DENND1A: variants seen among roughly 807,000 people sequenced by gnomAD.
The protein encoded by DENND1A is DENN domain-containing protein 1A.
In DENND1A, 51 loss-of-function variants were observed where a neutral mutation model predicts 113.7. The ratio of observed to expected loss-of-function variants is 0.45; its 90% CI spans 0.36 to 0.57. The LOEUF (loss-of-function observed/expected upper bound fraction) is 0.57, where lower values mean the gene tolerates loss of function less well. Ranked by LOEUF, DENND1A falls within the 20% of genes least tolerant of loss-of-function variation. The pLI, the probability that DENND1A is intolerant of heterozygous loss-of-function variation, is 0.00. For missense variants in DENND1A, 1,258 were observed against 1,395.9 expected, an observed-to-expected ratio of 0.90 and a Z score of 1.57; for synonymous variants, 565 against 570.8, an observed-to-expected ratio of 0.99 and a Z score of 0.14.
chr9:123,737,042 T>G (rs887589243), intron 5 of DENND1A, among the ~76,000 whole-genome samples: 2 of 152,242 alleles, frequency 1.3e-5, no homozygotes, highest in Non-Finnish European at 2.9e-5. Context: ...AAAATTCCAT[T>G]GAAGTCAATG....
chr9:123,830,964 G>A (rs1840129273), intron 2 of DENND1A, among the ~76,000 whole-genome samples: 1 of 145,598 alleles, frequency 6.9e-6, no homozygotes, highest in South Asian at 2.2e-4. Context: ...CTGGTCTTAA[G>A]CCCACGTAAT....
intron 10 of DENND1A, among the ~76,000 whole-genome samples, chr9:123,619,011 G>A (rs775429797): frequency 1.3e-5 from 2 of 152,080 alleles, no homozygotes; most frequent in African/African-American, 2.4e-5. Context: ...GCAGTGACGC[G>A]ATCTCAGCTC....
intron 21 of DENND1A, among the ~76,000 whole-genome samples, chr9:123,398,277 T>C (rs2043236756): frequency 6.6e-6 from 1 of 152,234 alleles, no homozygotes. Context: ...TGTCACTCCC[T>C]GCCTTGGCCT....
At chr9:123,444,403 T>C (rs547443848) in intron 18 of DENND1A, among the ~76,000 whole-genome samples, 2 of 152,256 alleles carry the variant, frequency 1.3e-5, no homozygotes, top group East Asian at 1.9e-4. Flanking sequence ...GCAGTAATCC[T>C]AGCACTTTGG....
chr9:123,822,191 G>T (rs752136420), intron 2 of DENND1A, among the ~76,000 whole-genome samples: 1 of 152,034 alleles, frequency 6.6e-6, no homozygotes. Context: ...TAATACTAAA[G>T]CCTATAAAGT....
chr9:123,757,660 T>C (rs1191457411), intron 5 of DENND1A, 43 bp downstream of exon 5: 11 of 1,598,908 alleles, frequency 6.9e-6, no homozygotes, highest in East Asian at 2.2e-5. Flanking sequence ...GAAGCTGACA[T>C]TGCTTCAGAG....
chr9:123,628,577 A>G (rs1375203709), intron 10 of DENND1A, among the ~76,000 whole-genome samples: 1 of 152,156 alleles, frequency 6.6e-6, no homozygotes, highest in Non-Finnish European at 1.5e-5. Context: ...GCAAACATTT[A>G]ATGTCACATG....
intron 6 of DENND1A, among the ~76,000 whole-genome samples, chr9:123,676,329 C>T (rs1023653908): frequency 5.9e-5 from 9 of 152,178 alleles, no homozygotes; most frequent in African/African-American, 2.2e-4. Flanking sequence ...TACTTGCAAA[C>T]CCCAGATCTG....
Position 123,898,783 on chromosome 9 carries a change from C to T in DENND1A, c.18-19762G>A, listed in dbSNP as rs548124914. 4.6e-5 allele frequency among the ~76,000 whole-genome samples: 7 copies of T among 152,298 alleles called. No individual in the cohort carries two copies. In the East Asian group the frequency reaches 1.3e-3, roughly 29 times the overall value. ...GTTCAGTTTACTCTTTTACAGTGTG[C>T]TCTTTGTGTCCTACTTAAGAAGGTA... On this transcript the variant is annotated intron_variant, in intron 1 of 23. Coordinates refer to ENST00000394215, the MANE Select transcript of DENND1A (RefSeq NM_001352964.2).
intron 5 of DENND1A, among the ~76,000 whole-genome samples, chr9:123,699,804 TCTC>T (rs1196793700): frequency 6.6e-6 from 1 of 151,306 alleles, no homozygotes; most frequent in Non-Finnish European, 1.5e-5. Context: ...TTCAAGCAAT[TCTC>T]CTGCCTCAGC....
chr9:123,836,433 A>G (rs1211846303), intron 2 of DENND1A, among the ~76,000 whole-genome samples: 1 of 152,186 alleles, frequency 6.6e-6, no homozygotes, highest in Admixed American at 6.5e-5. Context: ...TATGAGAGAA[A>G]AAGTAACACA....
intron 9 of DENND1A, among the ~76,000 whole-genome samples, chr9:123,633,920 A>G (rs1026966017): frequency 2.0e-5 from 3 of 152,246 alleles, no homozygotes; most frequent in South Asian, 4.1e-4. Flanking sequence ...ACTCCACAAC[A>G]TATAAATAAA....
At chr9:123,676,933 G>T in intron 5 of DENND1A, 144 bp from the exon 6 acceptor site, 1 of 761,630 alleles carries the variant, frequency 1.3e-6, no homozygotes, top group Admixed American at 2.4e-5. Context: ...ACACAAACTG[G>T]CGAAATGCTA....
intron 13 of DENND1A, among the ~76,000 whole-genome samples, chr9:123,544,570 G>A (rs904785953): frequency 2.0e-4 from 31 of 152,220 alleles, no homozygotes; most frequent in African/African-American, 7.2e-4. Context: ...CAGATGGAGG[G>A]GCCAATCCTG....
rs111924051 is a variant in DENND1A at position 123,413,827 on chromosome 9, GC to G, written c.1489-1999del. 2.1e-4 allele frequency: 209 copies of G among 985,176 alleles called. 4 individuals are homozygous for G. In the Admixed American group the frequency reaches 8.9e-3, roughly 42 times the overall value. The allele number at this position is 985,176 out of a possible 1,614,324, so 61.0% of individuals were successfully genotyped here. ...GAAGTGTGTGGGGGAAAGGGGAACAGCCCCCCCACCCCTCAATTCACACCAT... is the reference window on the plus strand; with the variant it reads ...GAAGTGTGTGGGGGAAAGGGGAACAGCCCCCCACCCCTCAATTCACACCAT... On this transcript the variant is annotated intron_variant, in intron 19 of 23. Transcript: ENST00000394215.
intron 13 of DENND1A, among the ~76,000 whole-genome samples, chr9:123,472,692 C>T (rs2049532305): frequency 6.6e-6 from 1 of 152,096 alleles, no homozygotes; most frequent in Non-Finnish European, 1.5e-5. Context: ...GCTTTCAGTG[C>T]CTGCAGAAGC....
At chr9:123,446,774 C>T (rs972279900) in intron 18 of DENND1A, among the ~76,000 whole-genome samples, 1 of 151,970 alleles carries the variant, frequency 6.6e-6, no homozygotes, top group African/African-American at 2.4e-5. Flanking sequence ...TGTGCCACTG[C>T]ACTGGGAGAC....
At chr9:123,586,442 T>C (rs931175616) in intron 11 of DENND1A, among the ~76,000 whole-genome samples, 1 of 152,172 alleles carries the variant, frequency 6.6e-6, no homozygotes, top group African/African-American at 2.4e-5. Context: ...TTTTCAACAA[T>C]GGCAGCAGGC....
chr9:123,391,036 C>T (rs972205746), intron 21 of DENND1A, among the ~76,000 whole-genome samples: 2 of 152,252 alleles, frequency 1.3e-5, no homozygotes, highest in African/African-American at 4.8e-5. Context: ...ATCCAACTGC[C>T]GCAGTTCAGG....
Sources: gnomAD v4.1 joint callset for allele counts (sites outside exome capture counted in the v4.1 genomes callset) on GRCh38, gnomAD v4.1.1 for gene constraint, MANE v1.5 for transcripts, NCBI Gene and HGNC (gene_info 2026-07-23, HGNC 2026-07-21) for gene names.